KIAA0825: variants seen among roughly 807,000 people sequenced by gnomAD.
The protein encoded by KIAA0825 is uncharacterized protein KIAA0825.
A neutral mutation model predicts 147.6 loss-of-function variants in KIAA0825; 119 were observed. The ratio of observed to expected loss-of-function variants is 0.81; its 90% CI spans 0.69 to 0.94. The LOEUF (loss-of-function observed/expected upper bound fraction) is 0.94, where lower values mean the gene tolerates loss of function less well. Among genes scored for constraint, KIAA0825 ranks in the 40% least tolerant of loss-of-function variants. KIAA0825 has a pLI of 0.00. For synonymous variants in KIAA0825, 470 were observed against 518.1 expected (o/e 0.91, Z 1.26); for missense variants, 1,381 against 1,472.7 (o/e 0.94, Z 1.02).
chr5:94,188,188 G>A (rs1770329149), intron 20 of KIAA0825, among the ~76,000 whole-genome samples: 3 of 152,126 alleles, frequency 2.0e-5, no homozygotes, highest in Admixed American at 1.3e-4. Context: ...ATAAATGTTT[G>A]TTGTTTGAGC....
rs191309429 is a variant in KIAA0825, at chr5:94,267,536, A to C, written c.3711-113412T>G. The stretch of plus-strand genomic sequence containing the variant: ...GATTAAGAAAGACCCACTCAGTGGT[A>C]AGTTAATCACACCCAAGAGAGTTAG... On this transcript the variant is annotated intron_variant, in intron 20 of 20. Transcript: ENST00000682413. Among the ~76,000 whole-genome samples the C allele has an allele frequency of 3.3e-5, 5 of 152,308 alleles. 1 individual carries two copies. The highest frequency in any genetic ancestry group is 1.2e-4 in the African/African-American group (5 of 41,552).
chr5:94,381,606 G>A (rs532238434), intron 20 of KIAA0825, among the ~76,000 whole-genome samples: 1 of 152,102 alleles, frequency 6.6e-6, no homozygotes, highest in Non-Finnish European at 1.5e-5. Context: ...GGGGGTCTTG[G>A]GATCAGTCCC....
chr5:94,285,315 AAAT>A (rs1180799875), intron 20 of KIAA0825, among the ~76,000 whole-genome samples: 1 of 152,176 alleles, frequency 6.6e-6, no homozygotes, highest in African/African-American at 2.4e-5. Flanking sequence ...TTGAATGAAC[AAAT>A]AATTATTTTT....
chr5:94,271,640 C>G (rs1007126351), intron 20 of KIAA0825, among the ~76,000 whole-genome samples: 2 of 151,968 alleles, frequency 1.3e-5, no homozygotes, highest in Admixed American at 1.3e-4. Flanking sequence ...CCCAGCTACT[C>G]GGGAGGCTGA....
chr5:94,428,920 CTGAG>C (rs1265197744), intron 14 of KIAA0825, among the ~76,000 whole-genome samples: 1 of 151,936 alleles, frequency 6.6e-6, no homozygotes, highest in Non-Finnish European at 1.5e-5. Flanking sequence ...TTATTTTTGT[CTGAG>C]TGAGTTCAAA....
chr5:94,231,907 T>C (rs1216274259), intron 20 of KIAA0825, among the ~76,000 whole-genome samples: 1 of 152,182 alleles, frequency 6.6e-6, no homozygotes, highest in Non-Finnish European at 1.5e-5. Flanking sequence ...GTTAGAGATA[T>C]AACTAACATG....
At position 94,152,903 on chromosome 5, in the gene KIAA0825, T is replaced by TATATATATATATATATAA. The variant is rs1386044229; in HGVS notation, c.*1103_*1104insTTATATATATATATATAT. 4.4e-4 allele frequency: 9 copies of TATATATATATATATATAA among 20,242 alleles called. 3 individuals are homozygous for TATATATATATATATATAA. The highest frequency in any genetic ancestry group is 7.8e-4 in the Admixed American group (1 of 1,284). The allele number at this position is 20,242 out of a possible 1,614,324, so 1.3% of individuals were successfully genotyped here. A position where few individuals can be genotyped will look rare whatever the true frequency, so the allele number is the denominator to read the frequency against. ...ATATATATATATATATATATATATA[T>TATATATATATATATATAA]GGTTTCTCCCAGACGTTCTTAGACT... On this transcript the variant is annotated 3_prime_UTR_variant, in exon 21 of 21. Coordinates refer to ENST00000682413, the MANE Select transcript of KIAA0825 (RefSeq NM_001145678.3).
chr5:94,425,051 T>C (rs1754674377), intron 14 of KIAA0825, among the ~76,000 whole-genome samples: 1 of 152,156 alleles, frequency 6.6e-6, no homozygotes, highest in South Asian at 2.1e-4. Context: ...TGCCAAATTC[T>C]GCCAAACTTT....
intron 1 of KIAA0825, among the ~76,000 whole-genome samples, chr5:94,617,542 G>T (rs932184118): frequency 5.3e-5 from 8 of 152,100 alleles, no homozygotes; most frequent in Non-Finnish European, 1.0e-4. Flanking sequence ...TAAAAAAAAT[G>T]CAATAGTACC....
intron 20 of KIAA0825, among the ~76,000 whole-genome samples, chr5:94,326,135 A>G (rs555839099): frequency 6.6e-6 from 1 of 152,232 alleles, no homozygotes; most frequent in East Asian, 1.9e-4. Context: ...ACATGTTGAA[A>G]AACACTATAT....
At chr5:94,486,839 AACC>A (rs1763112973) in intron 5 of KIAA0825, among the ~76,000 whole-genome samples, 1 of 152,134 alleles carries the variant, frequency 6.6e-6, no homozygotes, top group Non-Finnish European at 1.5e-5. Context: ...TAACCTTCTA[AACC>A]TTAAATTTCC....
chr5:94,559,995 A>G (rs992726827), intron 2 of KIAA0825, among the ~76,000 whole-genome samples: 1 of 152,226 alleles, frequency 6.6e-6, no homozygotes, highest in Non-Finnish European at 1.5e-5. Flanking sequence ...AGGAAAGATT[A>G]ACTCAGAGTC....
intron 20 of KIAA0825, among the ~76,000 whole-genome samples, chr5:94,199,222 T>A (rs184972330): frequency 1.3e-5 from 2 of 152,334 alleles, no homozygotes; most frequent in Admixed American, 1.3e-4. Context: ...TTTTTGCTTT[T>A]ATATTTTTTG....
At chr5:94,572,836 G>A (rs547235151) in intron 2 of KIAA0825, among the ~76,000 whole-genome samples, 3 of 152,162 alleles carry the variant, frequency 2.0e-5, no homozygotes, top group Non-Finnish European at 4.4e-5. Context: ...GATATGATGA[G>A]TGTCTCACTT....
chr5:94,482,215 A>T (rs901270090), intron 6 of KIAA0825, among the ~76,000 whole-genome samples: 1 of 152,202 alleles, frequency 6.6e-6, no homozygotes, highest in South Asian at 2.1e-4. Context: ...GAGAACGGCC[A>T]ATTTGGCTAA....
intron 20 of KIAA0825, among the ~76,000 whole-genome samples, chr5:94,228,734 A>G (rs1161655304): frequency 6.6e-6 from 1 of 152,220 alleles, no homozygotes; most frequent in Non-Finnish European, 1.5e-5. Flanking sequence ...CACAGTAACC[A>G]TCCATGAGTT....
chr5:94,482,466 G>A (rs1434743209), intron 6 of KIAA0825, among the ~76,000 whole-genome samples: 3 of 151,942 alleles, frequency 2.0e-5, no homozygotes, highest in Non-Finnish European at 4.4e-5. Flanking sequence ...GAAACCAAAT[G>A]ACTTCCTCTC....
At chr5:94,272,525 C>T (rs1583997364) in intron 20 of KIAA0825, among the ~76,000 whole-genome samples, 1 of 152,162 alleles carries the variant, frequency 6.6e-6, no homozygotes, top group East Asian at 1.9e-4. Context: ...AAAAACAAGA[C>T]ATAATACAAA....
chr5:94,154,531 C>G (rs1481433936), intron 20 of KIAA0825, among the ~76,000 whole-genome samples: 2 of 152,114 alleles, frequency 1.3e-5, no homozygotes, highest in East Asian at 3.9e-4. Context: ...GGAGGCTTGC[C>G]AGGAAGCCTT....
Sources: allele counts gnomAD v4.1 joint callset (sites outside exome capture counted in the v4.1 genomes callset), GRCh38; gene constraint gnomAD v4.1.1; transcripts MANE v1.5; gene names NCBI Gene and HGNC (gene_info 2026-07-23, HGNC 2026-07-21).